ARHGEF33: variants seen among roughly 807,000 people sequenced by gnomAD.
The protein encoded by ARHGEF33 is Rho guanine nucleotide exchange factor 33.
In ARHGEF33, 72 loss-of-function variants were observed where a neutral mutation model predicts 101.9. That is an observed-to-expected ratio of 0.71 (90% confidence interval 0.58 to 0.86). The LOEUF is 0.86. Ranked by LOEUF, ARHGEF33 falls within the 40% of genes least tolerant of loss-of-function variation. The probability of loss-of-function intolerance (pLI) is 0.00; values close to 1 mark genes in which losing one functional copy is unlikely to be tolerated. For synonymous variants in ARHGEF33, 499 were observed against 442.5 expected (o/e 1.13, Z -1.60); for missense variants, 1,169 against 1,111.3 (o/e 1.05, Z -0.74).
intron 2 of ARHGEF33, among the ~76,000 whole-genome samples, chr2:38,900,592 C>T (rs920215560): frequency 6.6e-6 from 1 of 152,154 alleles, no homozygotes; most frequent in Admixed American, 6.5e-5. Context: ...GTAGCAAAAT[C>T]ATATCAACCA....
chr2:38,906,739 C>T (rs1666400161), intron 2 of ARHGEF33, among the ~76,000 whole-genome samples: 1 of 139,986 alleles, frequency 7.1e-6, no homozygotes, highest in African/African-American at 2.7e-5. Flanking sequence ...GAGGCCAGGG[C>T]AGGAGGATCG....
chr2:38,944,023 G>C lies in ARHGEF33; in HGVS notation c.913G>C (p.Glu305Gln). 6.5e-7 allele frequency: 1 copy of C among 1,550,058 alleles called. No homozygotes were observed. The highest frequency in any genetic ancestry group is 8.7e-7 in the Non-Finnish European group (1 of 1,146,300). The change falls in exon 10 of 18, where the codon GAG becomes CAG. Residue 305 changes from glutamate (E) to glutamine (Q), a missense_variant. Coordinates refer to ENST00000409978, the MANE Select transcript of ARHGEF33 (RefSeq NM_001145451.5). ...QGSDGKRNSK[E>Q]RSLFPGSLRY... ...GTCAGATGGAAAGAGGAATTCCAAAGAGAGAAGGTATCCATGCACTCATTG... is the reference window on the plus strand; with the variant it reads ...GTCAGATGGAAAGAGGAATTCCAAACAGAGAAGGTATCCATGCACTCATTG...
intron 2 of ARHGEF33, among the ~76,000 whole-genome samples, chr2:38,918,449 C>T (rs1245966168): frequency 1.3e-5 from 2 of 152,134 alleles, no homozygotes; most frequent in African/African-American, 4.8e-5. Context: ...TGGGAGGCAT[C>T]TGATCAAGTC....
chr2:38,931,684 AG>A (rs1237480009), intron 7 of ARHGEF33, among the ~76,000 whole-genome samples: 1 of 152,158 alleles, frequency 6.6e-6, no homozygotes, highest in East Asian at 1.9e-4. Flanking sequence ...TCCTGACCTT[AG>A]GGATGTTAGA....
chr2:38,946,705 A>G (rs1387180877), intron 10 of ARHGEF33, among the ~76,000 whole-genome samples: 1 of 152,192 alleles, frequency 6.6e-6, no homozygotes, highest in East Asian at 1.9e-4. Flanking sequence ...GGCTCACTGT[A>G]ACCTCCACTT....
intron 10 of ARHGEF33, 73 bp from the exon 11 acceptor site, chr2:38,950,916 C>A: frequency 7.1e-7 from 1 of 1,416,764 alleles, no homozygotes; most frequent in Non-Finnish European, 9.6e-7. Flanking sequence ...ATGGGCCCTG[C>A]TGCATGTATT....
chr2:38,930,419 C>T (rs1054764402), intron 6 of ARHGEF33, among the ~76,000 whole-genome samples: 1 of 151,504 alleles, frequency 6.6e-6, no homozygotes, highest in African/African-American at 2.4e-5. Flanking sequence ...ATGATCACAG[C>T]TCACTGCAGC....
intron 2 of ARHGEF33, among the ~76,000 whole-genome samples, chr2:38,901,142 TTTTA>T (rs766775785): frequency 4.6e-5 from 7 of 152,136 alleles, no homozygotes; most frequent in Admixed American, 2.0e-4. Flanking sequence ...ATTTCTTTCT[TTTTA>T]TTTATTTATT....
chr2:38,947,831 C>T (rs1392007572), intron 10 of ARHGEF33, among the ~76,000 whole-genome samples: 1 of 152,110 alleles, frequency 6.6e-6, no homozygotes, highest in Non-Finnish European at 1.5e-5. Flanking sequence ...CTACAGATCA[C>T]CACCAGGTGG....
In ARHGEF33 at chr2:38,912,068, C is replaced by T. The variant is rs187635792; in HGVS notation, c.-85-7295C>T. ...AAAAAATATAAACTGAAAACCATGG[C>T]TTTGTAACATGATCAGGCATGATAT... On this transcript the variant is annotated intron_variant, in intron 2 of 17. Coordinates refer to ENST00000409978, the MANE Select transcript of ARHGEF33 (RefSeq NM_001145451.5). Among the ~76,000 whole-genome samples, 208 of 152,264 alleles carry T rather than the reference C, an allele frequency of 1.4e-3. 2 individuals carry two copies. The highest frequency in any genetic ancestry group is 4.9e-3 in the African/African-American group (204 of 41,548).
At position 38,960,052 on chromosome 2, in the gene ARHGEF33, T is replaced by C. The variant is rs1474233756; in HGVS notation, c.1747T>C (p.Ser583Pro). The part of the protein sequence containing the change: ...QAIPEMDFES[S>P]PAEPLGNVER... ...CATCCCGGAGATGGACTTCGAGTCC[T>C]CTCCGGCGGAGCCGCTGGGCAACGT... Residue 583 changes from serine (S) to proline (P), a missense_variant, in exon 16 of 18, where the codon TCT becomes CCT. Physicochemically the swap from Ser to Pro is moderately conservative, Grantham distance 74. Coordinates refer to ENST00000409978, the MANE Select transcript of ARHGEF33 (RefSeq NM_001145451.5). 3.2e-6 allele frequency: 5 copies of C among 1,542,222 alleles called. No homozygotes were observed. The African/African-American group carries it at 5.5e-5, about 17-fold the overall frequency.
intron 2 of ARHGEF33, among the ~76,000 whole-genome samples, chr2:38,901,464 G>C (rs888897876): frequency 2.6e-5 from 4 of 152,198 alleles, no homozygotes; most frequent in African/African-American, 9.7e-5. Context: ...GCAGTAACCA[G>C]CTCCCGGGTA....
chr2:38,944,103 T>C (rs1369571318), intron 10 of ARHGEF33, 73 bp downstream of exon 10: 3 of 1,460,056 alleles, frequency 2.1e-6, no homozygotes, highest in African/African-American at 1.4e-5. Context: ...TGTTTCCACT[T>C]TGGGATTTCT....
chr2:38,920,776 T>C (rs979258463), intron 3 of ARHGEF33, among the ~76,000 whole-genome samples: 1 of 152,184 alleles, frequency 6.6e-6, no homozygotes, highest in Non-Finnish European at 1.5e-5. Context: ...TCTAGTATTA[T>C]ACATTACTGT....
intron 4 of ARHGEF33, 116 bp downstream of exon 4, chr2:38,921,539 G>A (rs1666757158): frequency 1.4e-6 from 1 of 732,742 alleles, no homozygotes; most frequent in Admixed American, 2.1e-5. Context: ...CGTTGCACTT[G>A]TTCTCTTAAC....
At chr2:38,954,571 T>G in intron 13 of ARHGEF33, 115 bp downstream of exon 13, 1 of 692,976 alleles carries the variant, frequency 1.4e-6, no homozygotes, top group Non-Finnish European at 2.5e-6. Context: ...TTCTAAGAAG[T>G]GTTTATTTAG....
chr2:38,952,089 G>T (rs1667625313), intron 11 of ARHGEF33, among the ~76,000 whole-genome samples: 1 of 152,182 alleles, frequency 6.6e-6, no homozygotes, highest in African/African-American at 2.4e-5. Flanking sequence ...GATATTTTAA[G>T]AAAAGCTGGA....
At chr2:38,939,756 T>A (rs1341359301) in intron 9 of ARHGEF33, among the ~76,000 whole-genome samples, 1 of 152,204 alleles carries the variant, frequency 6.6e-6, no homozygotes, top group East Asian at 1.9e-4. Context: ...GCTTACGTGA[T>A]TCTTCCTCCT....
intron 2 of ARHGEF33, among the ~76,000 whole-genome samples, chr2:38,916,449 A>G (rs1340363750): frequency 6.6e-6 from 1 of 152,234 alleles, no homozygotes; most frequent in African/African-American, 2.4e-5. Context: ...TCATCCTAGA[A>G]TGGATTAGAT....
Sources: gnomAD v4.1 joint callset for allele counts (sites outside exome capture counted in the v4.1 genomes callset) on GRCh38, gnomAD v4.1.1 for gene constraint, MANE v1.5 for transcripts, NCBI Gene and HGNC (gene_info 2026-07-23, HGNC 2026-07-21) for gene names.